Variants in EXOC4 observed in about 807,000 individuals in gnomAD.
The protein encoded by EXOC4 is SEC8-like 1.
In EXOC4, 71 loss-of-function variants were observed where a neutral mutation model predicts 107.2. The observed-to-expected ratio is 0.66, with a 90% CI of 0.55 to 0.81. The LOEUF (loss-of-function observed/expected upper bound fraction) is 0.81, where lower values mean the gene tolerates loss of function less well. Ranked by LOEUF, EXOC4 falls within the 30% of genes least tolerant of loss-of-function variation. The pLI is 0.00. For missense variants in EXOC4, 1,108 were observed against 1,189.6 expected (o/e 0.93, Z 1.01); for synonymous variants, 456 against 441.2 (o/e 1.03, Z -0.42).
chr7:133,822,533 G>A (rs1413673657), intron 11 of EXOC4, among the ~76,000 whole-genome samples: 3 of 152,220 alleles, frequency 2.0e-5, no homozygotes, highest in African/African-American at 7.2e-5. Flanking sequence ...TACTTAGAGA[G>A]TGTTCTGTGG....
chr7:133,460,687 A>C (rs148028019), intron 7 of EXOC4, among the ~76,000 whole-genome samples: 179 of 152,236 alleles, frequency 1.2e-3, no homozygotes, highest in Admixed American at 3.3e-3. Context: ...AGGGACACAC[A>C]CACCCACCCA....
At chr7:134,018,615 A>G (rs553579296) in intron 17 of EXOC4, among the ~76,000 whole-genome samples, 1 of 152,236 alleles carries the variant, frequency 6.6e-6, no homozygotes, top group African/African-American at 2.4e-5. Flanking sequence ...TGCTCTTTTT[A>G]TAATCCTTTT....
chr7:133,817,570 T>C (rs781578005), intron 11 of EXOC4, 26 bp downstream of exon 11: 1 of 1,515,258 alleles, frequency 6.6e-7, no homozygotes. Flanking sequence ...GAACTTACTA[T>C]TTTTATCAGC....
intron 11 of EXOC4, among the ~76,000 whole-genome samples, chr7:133,858,002 G>A (rs191449744): frequency 1.3e-3 from 200 of 152,134 alleles, no homozygotes; most frequent in African/African-American, 4.5e-3. Context: ...GGGCAGGAGG[G>A]CTATAGTGCT....
chr7:133,329,553 G>A (rs1413509909), intron 5 of EXOC4, among the ~76,000 whole-genome samples: 5 of 152,154 alleles, frequency 3.3e-5, no homozygotes, highest in African/African-American at 9.7e-5. Context: ...CCCCATCTTC[G>A]TGGATTTATC....
At chr7:133,908,353 A>G (rs1799616163) in intron 12 of EXOC4, among the ~76,000 whole-genome samples, 1 of 152,268 alleles carries the variant, frequency 6.6e-6, no homozygotes, top group Admixed American at 6.5e-5. Flanking sequence ...TAACGTGGCA[A>G]AGGCCACAGA....
At chr7:133,710,410 C>A (rs1384947533) in intron 10 of EXOC4, among the ~76,000 whole-genome samples, 1 of 152,008 alleles carries the variant, frequency 6.6e-6, no homozygotes, top group African/African-American at 2.4e-5. Context: ...CCTGTAATCC[C>A]AACACTTTGG....
intron 9 of EXOC4, among the ~76,000 whole-genome samples, chr7:133,620,346 GT>G (rs949634178): frequency 2.0e-4 from 31 of 152,164 alleles, no homozygotes; most frequent in South Asian, 1.2e-3. Flanking sequence ...TAACCAACTA[GT>G]TACTTAAAAA....
chr7:133,599,301 A>G (rs1240159378), intron 9 of EXOC4, among the ~76,000 whole-genome samples: 1 of 152,206 alleles, frequency 6.6e-6, no homozygotes, highest in Non-Finnish European at 1.5e-5. Context: ...GCTTCTTAGT[A>G]TCTCCTGATT....
At chr7:133,867,425 C>T (rs1798664044) in intron 11 of EXOC4, among the ~76,000 whole-genome samples, 2 of 152,288 alleles carry the variant, frequency 1.3e-5, no homozygotes, top group East Asian at 3.9e-4. Context: ...GTGTATAAAA[C>T]CTCTTACCCC....
intron 10 of EXOC4, among the ~76,000 whole-genome samples, chr7:133,730,022 A>G (rs898232610): frequency 5.9e-5 from 9 of 151,518 alleles, no homozygotes; most frequent in African/African-American, 1.2e-4. Context: ...GGCTATTGTT[A>G]TTACTTTTCT....
chr7:133,802,923 T>C (rs1796982510), intron 10 of EXOC4, among the ~76,000 whole-genome samples: 1 of 151,406 alleles, frequency 6.6e-6, no homozygotes, highest in Admixed American at 6.6e-5. Context: ...ACTTATTATA[T>C]TGCTTCCAAA....
At chr7:134,032,200 A>G (rs1795286197) in intron 17 of EXOC4, among the ~76,000 whole-genome samples, 1 of 152,196 alleles carries the variant, frequency 6.6e-6, no homozygotes, top group Non-Finnish European at 1.5e-5. Flanking sequence ...TACATTACCT[A>G]GAAAGCAACA....
chr7:134,080,609 TA>T, the EXOC4 span, among the ~76,000 whole-genome samples: 3 of 151,866 alleles, frequency 2.0e-5, no homozygotes, highest in Non-Finnish European at 4.4e-5. Flanking sequence ...AGGGTGGTAG[TA>T]ATACGGATGG....
intron 7 of EXOC4, among the ~76,000 whole-genome samples, chr7:133,417,431 G>A (rs373708015): frequency 6.6e-6 from 1 of 152,132 alleles, no homozygotes; most frequent in African/African-American, 2.4e-5. Context: ...TTACACTTAA[G>A]GTGTTAAATG....
intron 4 of EXOC4, among the ~76,000 whole-genome samples, chr7:133,311,587 G>A (rs1794872882): frequency 1.3e-5 from 2 of 152,138 alleles, no homozygotes; most frequent in South Asian, 4.1e-4. Context: ...AGGAAAACGT[G>A]TAGGAGGATA....
At position 133,725,327 on chromosome 7, in the gene EXOC4, T is replaced by C. The variant is rs989762249; in HGVS notation, c.1515-91998T>C. On this transcript the variant is annotated intron_variant, in intron 10 of 17. Coordinates refer to ENST00000253861, the MANE Select transcript of EXOC4 (RefSeq NM_021807.4). ...ATCAAGGCTTAGCAAAAATTTTTTT[T>C]CTTATAAAGGGCTAGCTAGTAACTA... Among the ~76,000 whole-genome samples, 2 of 152,196 alleles carry C rather than the reference T, an allele frequency of 1.3e-5. 1 individual carries two copies. The highest frequency in any genetic ancestry group is 4.1e-4 in the South Asian group (2 of 4,834).
chr7:133,315,847 C>T (rs759577449), intron 4 of EXOC4, among the ~76,000 whole-genome samples: 6 of 152,224 alleles, frequency 3.9e-5, no homozygotes, highest in Middle Eastern at 3.4e-3. Flanking sequence ...TGGTTTAGTT[C>T]ATATCTTAGT....
rs113604954 is a variant in EXOC4 at position 133,475,980 on chromosome 7, C to A, written c.1328+507C>A. Among the ~76,000 whole-genome samples the A allele has an allele frequency of 3.6e-3, 553 of 152,168 alleles. 5 individuals carry two copies. Among genetic ancestry groups the A allele is most frequent in the African/African-American group, 0.012 (516 of 41,490 alleles). ...GAACCCATGTGCCCAAAGTGTATAT[C>A]TCTTGGCAACAGCTAATAGTTAATA... On this transcript the variant is annotated intron_variant, in intron 8 of 17. Transcript: ENST00000253861.
Sources: allele counts gnomAD v4.1 joint callset (sites outside exome capture counted in the v4.1 genomes callset), GRCh38; gene constraint gnomAD v4.1.1; transcripts MANE v1.5; gene names NCBI Gene and HGNC (gene_info 2026-07-23, HGNC 2026-07-21).